The following SLC2A13 variants were observed in gnomAD, a reference collection of about 807,000 sequenced individuals.
SLC2A13 encodes the protein solute carrier family 2 member 13, also known as proton myo-inositol cotransporter.
A neutral mutation model predicts 64.4 loss-of-function variants in SLC2A13; 32 were observed. The ratio of observed to expected loss-of-function variants is 0.50; its 90% CI spans 0.37 to 0.67. The LOEUF (loss-of-function observed/expected upper bound fraction) is 0.67. SLC2A13 is among the 30% of genes least tolerant of loss of function. SLC2A13 has a pLI of 0.00. For missense variants in SLC2A13, 743 were observed against 829.2 expected (o/e 0.90, Z 1.28); for synonymous variants, 338 against 327.1 (o/e 1.03, Z -0.36).
chr12:39,907,124 C>T (rs1945308652), intron 4 of SLC2A13, among the ~76,000 whole-genome samples: 1 of 152,210 alleles, frequency 6.6e-6, no homozygotes, highest in East Asian at 1.9e-4. Context: ...GTAGTTACTA[C>T]ATTTTAGTAA....
At chr12:40,084,770 T>C (rs568822050) in intron 1 of SLC2A13, among the ~76,000 whole-genome samples, 5 of 152,272 alleles carry the variant, frequency 3.3e-5, no homozygotes, top group African/African-American at 1.2e-4. Context: ...GAAATATTTA[T>C]TAGGTCTTCC....
chr12:39,937,505 C>T (rs933424450), intron 4 of SLC2A13, among the ~76,000 whole-genome samples: 1 of 152,124 alleles, frequency 6.6e-6, no homozygotes, highest in African/African-American at 2.4e-5. Context: ...GGGACACATC[C>T]CTGGACTTCA....
At chr12:40,025,304 C>T (rs1359204275) in intron 3 of SLC2A13, among the ~76,000 whole-genome samples, 1 of 152,204 alleles carries the variant, frequency 6.6e-6, no homozygotes, top group Non-Finnish European at 1.5e-5. Flanking sequence ...AAGAAAAATG[C>T]TCTAGGCACT....
chr12:39,885,572 A>G (rs1197625116), intron 4 of SLC2A13, among the ~76,000 whole-genome samples: 1 of 152,152 alleles, frequency 6.6e-6, no homozygotes, highest in African/African-American at 2.4e-5. Flanking sequence ...CTTTCTCTGA[A>G]AAGATAAATA....
rs559672683 is a variant in SLC2A13, at chr12:39,892,670, A to C, written c.1035-20709T>G. On this transcript the variant is annotated intron_variant, in intron 4 of 9. Coordinates refer to ENST00000280871, the MANE Select transcript of SLC2A13 (RefSeq NM_052885.4). Reference sequence around the variant, plus strand: ...ACAGAAAATAGCAATTAATAAATATAAATAGTAGCCTGGACAATTAATACA... The same window carrying C: ...ACAGAAAATAGCAATTAATAAATATCAATAGTAGCCTGGACAATTAATACA... Among the ~76,000 whole-genome samples the C allele has an allele frequency of 9.2e-5, 14 of 152,314 alleles. No individual in the cohort carries two copies. The South Asian group carries it at 2.9e-3, about 32-fold the overall frequency.
chr12:40,078,358 G>A lies in SLC2A13; in HGVS notation c.556+26895C>T, dbSNP rs551444414. On this transcript the variant is annotated intron_variant, in intron 1 of 9. Transcript: ENST00000280871. ...TACTTTGTTGAGGGTTTTTTTACAC[G>A]AAGGAATGTTGAATTTCATTGAAAG... Among the ~76,000 whole-genome samples, 5 of 152,134 alleles carry A rather than the reference G, an allele frequency of 3.3e-5. 1 individual carries two copies. Among genetic ancestry groups the A allele is most frequent in the African/African-American group, 9.6e-5 (4 of 41,534 alleles).
intron 3 of SLC2A13, among the ~76,000 whole-genome samples, chr12:39,982,266 C>A (rs1253317934): frequency 2.0e-5 from 1 of 50,272 alleles, no homozygotes; most frequent in East Asian, 5.8e-4. Flanking sequence ...AAAACTGGCA[C>A]AAGACAGGGA....
chr12:39,906,984 C>G (rs1945302419), intron 4 of SLC2A13, among the ~76,000 whole-genome samples: 1 of 152,044 alleles, frequency 6.6e-6, no homozygotes, highest in Non-Finnish European at 1.5e-5. Flanking sequence ...ATTTTTGTCT[C>G]TTAGATTTTT....
intron 4 of SLC2A13, among the ~76,000 whole-genome samples, chr12:39,896,673 T>C (rs546180980): frequency 6.6e-4 from 101 of 151,930 alleles, no homozygotes; most frequent in Non-Finnish European, 1.3e-3. Context: ...GAAGTTTAAA[T>C]ATTAATATCC....
chr12:39,994,488 A>G (rs994996466), intron 3 of SLC2A13, among the ~76,000 whole-genome samples: 6 of 151,228 alleles, frequency 4.0e-5, no homozygotes, highest in East Asian at 1.9e-4. Flanking sequence ...AGAAAAAGGG[A>G]AAAAAAAACA....
chr12:39,926,417 C>A (rs143632899), intron 4 of SLC2A13, among the ~76,000 whole-genome samples: 2,191 of 152,212 alleles, frequency 0.014, 19 homozygotes, highest in Non-Finnish European at 0.023. Context: ...AAAACTCAGA[C>A]ATATTTATAT....
intron 2 of SLC2A13, among the ~76,000 whole-genome samples, chr12:40,042,177 A>G (rs1441295851): frequency 1.3e-5 from 2 of 152,236 alleles, no homozygotes; most frequent in Admixed American, 1.3e-4. Context: ...AATGACTAGC[A>G]CAACCAGACA....
At chr12:40,028,604 T>G in intron 2 of SLC2A13, 95 bp from the exon 3 acceptor site, 2 of 1,192,290 alleles carry the variant, frequency 1.7e-6, no homozygotes, top group Non-Finnish European at 2.3e-6. Context: ...ACAATAATAC[T>G]TACTGTGAAG....
chr12:39,768,596 A>G (rs1225894083), intron 7 of SLC2A13, among the ~76,000 whole-genome samples: 1 of 152,090 alleles, frequency 6.6e-6, no homozygotes, highest in Non-Finnish European at 1.5e-5. Context: ...AGGCTCCAGG[A>G]GAGGGAGACA....
chr12:39,996,216 TG>T (rs1947227071), intron 3 of SLC2A13, among the ~76,000 whole-genome samples: 1 of 152,228 alleles, frequency 6.6e-6, no homozygotes, highest in Non-Finnish European at 1.5e-5. Context: ...GGCAGCATTT[TG>T]CCCCTGCCCT....
intron 3 of SLC2A13, among the ~76,000 whole-genome samples, chr12:39,963,821 C>T (rs1946457915): frequency 6.6e-6 from 1 of 152,072 alleles, no homozygotes; most frequent in Admixed American, 6.5e-5. Context: ...AGACATTCAA[C>T]AAATAAGTAC....
Position 40,105,107 on chromosome 12 carries a change from G to C in SLC2A13, c.556+146C>G, listed in dbSNP as rs1448874647. ...GCCTTGGAGGCTGGACCAACAAACAGATGGGCTCTGGAGGCCAGAGAAGTG... is the reference window on the plus strand; with the variant it reads ...GCCTTGGAGGCTGGACCAACAAACACATGGGCTCTGGAGGCCAGAGAAGTG... On this transcript the variant is annotated intron_variant, in intron 1 of 9. Coordinates refer to ENST00000280871, the MANE Select transcript of SLC2A13 (RefSeq NM_052885.4). This position sits in a 1 kb window ranked among gnomAD's most constrained non-coding sequence, Gnocchi z 4.2. 3.7e-6 allele frequency: 4 copies of C among 1,071,110 alleles called. No individual in the cohort carries two copies. In the African/African-American group the frequency reaches 7.2e-5, roughly 19 times the overall value. 66.4% of individuals were successfully genotyped at this position (1,071,110 alleles called of 1,614,324 possible). A position where few individuals can be genotyped will look rare whatever the true frequency, so the allele number is the denominator to read the frequency against.
intron 6 of SLC2A13, among the ~76,000 whole-genome samples, chr12:39,852,786 C>T (rs1943505024): frequency 6.6e-6 from 1 of 152,196 alleles, no homozygotes. Context: ...TGAAACCAAT[C>T]AGATTGGTTG....
Position 40,105,919 on chromosome 12 carries a change from C to T in SLC2A13, c.-111G>A, listed in dbSNP as rs995851980. Reference sequence around the variant, plus strand: ...CAACCGCCGCTGCCGCCGCTTTCTTCCTCCCGGCTTCCGCTCCGGCTGCCA... The same window carrying T: ...CAACCGCCGCTGCCGCCGCTTTCTTTCTCCCGGCTTCCGCTCCGGCTGCCA... On this transcript the variant is annotated 5_prime_UTR_variant, in exon 1 of 10. Transcript: ENST00000280871. This position sits in a 1 kb window ranked among gnomAD's most constrained non-coding sequence, Gnocchi z 4.2. 11 of 1,232,462 alleles carry T rather than the reference C, an allele frequency of 8.9e-6. No individual in the cohort carries two copies. In the African/African-American group the frequency reaches 1.6e-4, roughly 18 times the overall value. The allele number at this position is 1,232,462 out of a possible 1,614,324, so 76.3% of individuals were successfully genotyped here.
Sources: gnomAD v4.1 joint callset for allele counts (sites outside exome capture counted in the v4.1 genomes callset) on GRCh38, gnomAD v4.1.1 for gene constraint, Gnocchi (gnomAD v3.1) non-coding constraint, MANE v1.5 for transcripts, NCBI Gene and HGNC (gene_info 2026-07-23, HGNC 2026-07-21) for gene names.